SLC66A2: variants seen among roughly 807,000 people sequenced by gnomAD.
SLC66A2 encodes the protein solute carrier family 66 member 2.
In SLC66A2, 23 loss-of-function variants were observed where a neutral mutation model predicts 25.5. The ratio of observed to expected loss-of-function variants is 0.90; its 90% CI spans 0.65 to 1.28. The LOEUF is 1.28. Ranked by LOEUF, SLC66A2 falls within the 50% of genes most tolerant of loss-of-function variation. The pLI is 0.00. For missense variants in SLC66A2, 396 were observed against 373.1 expected, an observed-to-expected ratio of 1.06 and a Z score of -0.51; for synonymous variants, 193 against 166.5, an observed-to-expected ratio of 1.16 and a Z score of -1.23.
In SLC66A2 at chr18:79,943,467, G is replaced by A. The variant is rs372766538; in HGVS notation, c.204-5C>T. The A allele has an allele frequency of 4.9e-5, 79 of 1,612,702 alleles. No homozygotes were observed. The highest frequency in any genetic ancestry group is 1.5e-4 in the African/African-American group (11 of 74,908). On this transcript the variant is annotated splice_region_variant and splice_polypyrimidine_tract_variant and intron_variant, in intron 2 of 5. Coordinates refer to ENST00000397778, the MANE Select transcript of SLC66A2 (RefSeq NM_025078.5). ...GACTCAAAGCGCCTTCCAAACCTGC[G>A]GGAGAGACACTGTGTCAGGAGGGAG...
rs775803098 is a variant in SLC66A2, at chr18:79,950,726, G to A, written c.201C>T (p.Phe67=). 2 of 1,613,044 alleles carry A rather than the reference G, an allele frequency of 1.2e-6. No individual in the cohort carries two copies. The highest frequency in any genetic ancestry group is 1.7e-5 in the Admixed American group (1 of 60,024). Residue 67 remains phenylalanine, a splice_region_variant and synonymous_variant, in exon 2 of 6, where the codon TTC becomes TTT. Coordinates refer to ENST00000397778, the MANE Select transcript of SLC66A2 (RefSeq NM_025078.5). ...AGGAAAGCAAGCCCCCAACTTACCA[G>A]AAGAGTATCCGCAAAATGTTGGCCA... ...LLVANILRIL[F]WFGRRFESPL...
In SLC66A2 at chr18:79,918,029, A is replaced by C. The variant is rs1446335542; in HGVS notation, c.608+1155T>G. 1.3e-5 allele frequency among the ~76,000 whole-genome samples: 2 copies of C among 150,982 alleles called. No individual in the cohort carries two copies. Among genetic ancestry groups the C allele is most frequent in the Non-Finnish European group, 1.5e-5 (1 of 67,756 alleles). On this transcript the variant is annotated intron_variant, in intron 5 of 5. Transcript: ENST00000397778. The surrounding 1 kb of genome is among the most constrained non-coding windows in gnomAD (Gnocchi z 4.0). ...CCTGTAACTGCAACCCACACCTATA[A>C]CCCTGGCCTGCACCTACATCTCACC... is the stretch of plus-strand genomic sequence containing the variant.
At chr18:79,932,020 A>G (rs1292417021) in intron 4 of SLC66A2, among the ~76,000 whole-genome samples, 1 of 152,198 alleles carries the variant, frequency 6.6e-6, no homozygotes, top group Admixed American at 6.5e-5. Context: ...TTAAAAATAA[A>G]TAAATAAAAG....
chr18:79,915,993 C>T (rs118103908), intron 5 of SLC66A2: 19,342 of 121,408 alleles, frequency 0.16, 1,853 homozygotes, highest in Non-Finnish European at 0.24. Flanking sequence ...TCTGTACCCG[C>T]GGTGCTCTCA....
intron 5 of SLC66A2, among the ~76,000 whole-genome samples, chr18:79,911,942 CAG>C (rs57712046): frequency 0.015 from 1,266 of 86,998 alleles, no homozygotes; most frequent in African/African-American, 0.017. Flanking sequence ...GGGACAGCAG[CAG>C]AGAGGGGACG....
chr18:79,916,290 ACCCGTG>A (rs1984144307), intron 5 of SLC66A2, among the ~76,000 whole-genome samples: 1 of 150,248 alleles, frequency 6.7e-6, no homozygotes, highest in African/African-American at 2.5e-5. Context: ...GTGCTCCCGT[ACCCGTG>A]GTGCTCCCGT....
chr18:79,936,549 A>C (rs1392634385), intron 3 of SLC66A2, among the ~76,000 whole-genome samples: 1 of 152,230 alleles, frequency 6.6e-6, no homozygotes, highest in Non-Finnish European at 1.5e-5. Context: ...CCTGGCCTCC[A>C]GCCTGGAACT....
intron 5 of SLC66A2, among the ~76,000 whole-genome samples, chr18:79,907,687 C>A (rs1301834824): frequency 6.6e-6 from 1 of 151,990 alleles, no homozygotes; most frequent in East Asian, 1.9e-4. Flanking sequence ...CATTGGTTCC[C>A]AAATGGGAGT....
chr18:79,932,821 C>T (rs897724824), intron 4 of SLC66A2, among the ~76,000 whole-genome samples: 5 of 152,064 alleles, frequency 3.3e-5, no homozygotes, highest in Admixed American at 3.3e-4. Flanking sequence ...TTAAAACTTC[C>T]CACAAAGAAA....
Position 79,943,386 on chromosome 18 carries a change from G to C in SLC66A2, c.280C>G (p.Leu94Val), listed in dbSNP as rs769038897. ...MILTMLLMLKLCTEVRVANEL... is the reference protein window; with the variant it reads ...MILTMLLMLKVCTEVRVANEL... ...TTGGCCACACGGACCTCGGTGCACA[G>C]CTTCAGCATCAGCAGCATGGTCAGG... The change falls in exon 3 of 6, where the codon CTG becomes GTG. Residue 94 changes from leucine to valine, a missense_variant. Coordinates refer to ENST00000397778, the MANE Select transcript of SLC66A2 (RefSeq NM_025078.5). 1 of 1,614,092 alleles carries C rather than the reference G, an allele frequency of 6.2e-7. No homozygotes were observed. Among genetic ancestry groups the C allele is most frequent in the African/African-American group, 1.3e-5 (1 of 74,948 alleles).
At chr18:79,936,437 T>G (rs2144899317) in intron 3 of SLC66A2, among the ~76,000 whole-genome samples, 1 of 152,350 alleles carries the variant, frequency 6.6e-6, no homozygotes, top group South Asian at 2.1e-4. Context: ...TCAATGGTTT[T>G]TAGGATATCC....
In SLC66A2 at chr18:79,914,784, A is replaced by C. The variant is rs1002915678; in HGVS notation, c.608+4400T>G. 1.6e-4 allele frequency among the ~76,000 whole-genome samples: 24 copies of C among 152,340 alleles called. 1 individual carries two copies. In the Middle Eastern group the frequency reaches 0.01, roughly 65 times the overall value. On this transcript the variant is annotated intron_variant, in intron 5 of 5. Transcript: ENST00000397778. The stretch of plus-strand genomic sequence containing the variant: ...CAAAGAGACGGAGCTTCAGACGCGC[A>C]AGTGGAGCCGGCTCCAGACTCAGCC...
chr18:79,944,854 G>A (rs1988027709), intron 2 of SLC66A2, among the ~76,000 whole-genome samples: 1 of 152,004 alleles, frequency 6.6e-6, no homozygotes, highest in African/African-American at 2.4e-5. Flanking sequence ...AGCAGAAGAA[G>A]GGGGAACCCC....
chr18:79,942,684 G>A (rs1241338786), intron 3 of SLC66A2, among the ~76,000 whole-genome samples: 8 of 152,222 alleles, frequency 5.3e-5, no homozygotes, highest in African/African-American at 9.7e-5. Context: ...CCGCCAGCCT[G>A]CATGTTCAAA....
At chr18:79,934,696 G>A (rs1986906662) in intron 3 of SLC66A2, among the ~76,000 whole-genome samples, 1 of 152,220 alleles carries the variant, frequency 6.6e-6, no homozygotes, top group African/African-American at 2.4e-5. Flanking sequence ...TGGCCTCTAG[G>A]TGGCTCCTGG....
chr18:79,946,072 T>C (rs1478004271), intron 2 of SLC66A2, among the ~76,000 whole-genome samples: 1 of 152,176 alleles, frequency 6.6e-6, no homozygotes, highest in Admixed American at 6.5e-5. Context: ...AAGCAATGAA[T>C]GACGAGACGG....
At chr18:79,914,162 C>T (rs575889954) in intron 5 of SLC66A2, among the ~76,000 whole-genome samples, 1 of 152,326 alleles carries the variant, frequency 6.6e-6, no homozygotes, top group East Asian at 1.9e-4. Flanking sequence ...CCCTGGCCTC[C>T]CAAAGTGCTG....
intron 3 of SLC66A2, among the ~76,000 whole-genome samples, chr18:79,935,822 G>C (rs1041648732): frequency 6.6e-6 from 1 of 152,174 alleles, no homozygotes; most frequent in Non-Finnish European, 1.5e-5. Context: ...GAGAGAAAAA[G>C]CAAGAGAATG....
At position 79,904,300 on chromosome 18, in the gene SLC66A2, G is replaced by C; in HGVS notation, c.609-117C>G. ...CCTGGGGCTCAGGGGCACCCAGGGG[G>C]CTAAGGGGACCCCCAGGCAGTCGGC... On this transcript the variant is annotated intron_variant, in intron 5 of 5. Transcript: ENST00000397778. This position sits in a 1 kb window ranked among gnomAD's most constrained non-coding sequence, Gnocchi z 6.3. The C allele has an allele frequency of 1.1e-6, 1 of 919,688 alleles. No individual in the cohort carries two copies. The highest frequency in any genetic ancestry group is 1.7e-6 in the Non-Finnish European group (1 of 584,848). The allele number at this position is 919,688 out of a possible 1,614,324, so 57.0% of individuals were successfully genotyped here.
Sources: allele counts gnomAD v4.1 joint callset (sites outside exome capture counted in the v4.1 genomes callset), GRCh38; gene constraint gnomAD v4.1.1; non-coding constraint Gnocchi (gnomAD v3.1); transcripts MANE v1.5; gene names NCBI Gene and HGNC (gene_info 2026-07-23, HGNC 2026-07-21).